Variants in SNPH observed in about 807,000 individuals in gnomAD.
The protein encoded by SNPH is syntaphilin.
SNPH carries 10 observed loss-of-function variants against 36.8 expected under a neutral mutation model. That is an observed-to-expected ratio of 0.27 (90% CI 0.17 to 0.46). SNPH has a LOEUF of 0.46. SNPH is among the 20% of genes least tolerant of loss of function. SNPH has a pLI of 1.00. For missense variants in SNPH, 622 were observed against 744.0 expected, an observed-to-expected ratio of 0.84 and a Z score of 1.91; for synonymous variants, 281 against 312.2, an observed-to-expected ratio of 0.90 and a Z score of 1.05.
At chr20:1,290,787 C>T (rs997732083) in intron 2 of SNPH, among the ~76,000 whole-genome samples, 1 of 152,238 alleles carries the variant, frequency 6.6e-6, no homozygotes, top group African/African-American at 2.4e-5. Context: ...TCCATAGCAG[C>T]AGCGTCATTT....
At chr20:1,296,910 C>A in intron 4 of SNPH, 1 of 334,852 alleles carries the variant, frequency 3.0e-6, no homozygotes, top group Non-Finnish European at 4.2e-6. Context: ...GCCCTGCCGG[C>A]CCCCATTCTT....
At position 1,294,575 on chromosome 20, in the gene SNPH, G is replaced by A. The variant is rs1331486162; in HGVS notation, c.-492-376G>A. On this transcript the variant is annotated intron_variant, in intron 2 of 6. Coordinates refer to ENST00000381867, the MANE Select transcript of SNPH (RefSeq NM_001318234.2). The surrounding 1 kb of genome is among the most constrained non-coding windows in gnomAD (Gnocchi z 4.4). ...AAGCTCAGGTGACAGGTGTGGTGTCGGCAGGTCCTGCAGCCCAGCACCCGA... is the reference window on the plus strand; with the variant it reads ...AAGCTCAGGTGACAGGTGTGGTGTCAGCAGGTCCTGCAGCCCAGCACCCGA... Among the ~76,000 whole-genome samples, 6 of 152,176 alleles carry A rather than the reference G, an allele frequency of 3.9e-5. No individual in the cohort carries two copies. Among genetic ancestry groups the A allele is most frequent in the Non-Finnish European group, 2.9e-5 (2 of 68,032 alleles).
chr20:1,266,303 C>G lies in SNPH; in HGVS notation c.-694C>G, dbSNP rs932461103. The G allele has an allele frequency of 5.1e-6, 1 of 197,342 alleles. No individual in the cohort carries two copies. Among genetic ancestry groups the G allele is most frequent in the African/African-American group, 2.3e-5 (1 of 43,032 alleles). The allele number at this position is 197,342 out of a possible 1,614,324, so 12.2% of individuals were successfully genotyped here. Reference sequence around the variant, plus strand: ...GCCCCTCCCTCCCGGCAGCCCCAGCCCCGGCGAGCACCCAGCTAGCCGCCT... The same window carrying G: ...GCCCCTCCCTCCCGGCAGCCCCAGCGCCGGCGAGCACCCAGCTAGCCGCCT... On this transcript the variant is annotated 5_prime_UTR_variant, in exon 1 of 7. Coordinates refer to ENST00000381867, the MANE Select transcript of SNPH (RefSeq NM_001318234.2). The surrounding 1 kb of genome is among the most constrained non-coding windows in gnomAD (Gnocchi z 6.0).
At chr20:1,272,145 A>AT (rs1471562968) in intron 2 of SNPH, among the ~76,000 whole-genome samples, 2 of 152,102 alleles carry the variant, frequency 1.3e-5, no homozygotes, top group Non-Finnish European at 2.9e-5. Flanking sequence ...AACTCACTGC[A>AT]TTGTCTGTAT....
chr20:1,283,051 T>C (rs1488004794), intron 2 of SNPH, among the ~76,000 whole-genome samples: 1 of 152,110 alleles, frequency 6.6e-6, no homozygotes, highest in Non-Finnish European at 1.5e-5. Flanking sequence ...GAGATCAGTG[T>C]TTGCCAGCAA....
intron 2 of SNPH, among the ~76,000 whole-genome samples, chr20:1,270,973 C>T (rs1309396033): frequency 1.3e-5 from 2 of 152,170 alleles, no homozygotes; most frequent in African/African-American, 2.4e-5. Context: ...TGGGAAGTCT[C>T]GATGCAGGTG....
chr20:1,298,696 C>T (rs534919114), intron 5 of SNPH, among the ~76,000 whole-genome samples: 47 of 152,236 alleles, frequency 3.1e-4, no homozygotes, highest in Middle Eastern at 3.4e-3. Context: ...AGGGTTGCTG[C>T]CCCTGGGTGA....
intron 2 of SNPH, among the ~76,000 whole-genome samples, chr20:1,272,175 G>T (rs1049475058): frequency 5.3e-5 from 8 of 152,180 alleles, no homozygotes; most frequent in African/African-American, 1.9e-4. Flanking sequence ...TTTTGCCACA[G>T]ACTCGTGTTC....
At chr20:1,282,747 T>C (rs1048785792) in intron 2 of SNPH, among the ~76,000 whole-genome samples, 1 of 152,234 alleles carries the variant, frequency 6.6e-6, no homozygotes, top group African/African-American at 2.4e-5. Context: ...AAGAAATTAC[T>C]GTTCATCCAG....
Position 1,297,355 on chromosome 20 carries a change from C to T in SNPH, c.290+103C>T, listed in dbSNP as rs375767573. On this transcript the variant is annotated intron_variant, in intron 5 of 6. Transcript: ENST00000381867. Reference sequence around the variant, plus strand: ...AGGGTCGTGTTCTAACCACCCCTGACGCCAGCATAGCCGCTGGCCGTGTGA... The same window carrying T: ...AGGGTCGTGTTCTAACCACCCCTGATGCCAGCATAGCCGCTGGCCGTGTGA... The T allele has an allele frequency of 6.2e-5, 64 of 1,038,608 alleles. No homozygotes were observed. In the African/African-American group the frequency reaches 9.4e-4, roughly 15 times the overall value. The allele number at this position is 1,038,608 out of a possible 1,614,324, so 64.3% of individuals were successfully genotyped here. A position where few individuals can be genotyped will look rare whatever the true frequency, so the allele number is the denominator to read the frequency against.
intron 2 of SNPH, among the ~76,000 whole-genome samples, chr20:1,293,892 C>T (rs116595135): frequency 0.016 from 2,442 of 152,256 alleles, 65 homozygotes; most frequent in African/African-American, 0.055. Flanking sequence ...CAAGGCCACA[C>T]GCAGCTCCAA....
Position 1,305,689 on chromosome 20 carries a change from G to C in SNPH, c.1252G>C (p.Glu418Gln), listed in dbSNP as rs200512874. The change falls in exon 7 of 7, where the codon GAG becomes CAG. Residue 418 changes from glutamate to glutamine, a missense_variant. By Grantham distance (29) the Glu-to-Gln change is conservative. Coordinates refer to ENST00000381867, the MANE Select transcript of SNPH (RefSeq NM_001318234.2). The part of the protein sequence containing the change: ...AVVVTVGDEL[E>Q]APEPITRGPT... ...GGTGGTGACAGTGGGTGATGAGCTA[G>C]AGGCCCCAGAGCCCATCACCCGTGG... The C allele has an allele frequency of 6.2e-7, 1 of 1,610,886 alleles. No homozygotes were observed. Among genetic ancestry groups the C allele is most frequent in the Non-Finnish European group, 8.5e-7 (1 of 1,178,630 alleles).
intron 5 of SNPH, among the ~76,000 whole-genome samples, chr20:1,299,011 C>T (rs2088474147): frequency 6.6e-6 from 1 of 151,872 alleles, no homozygotes; most frequent in South Asian, 2.1e-4. Flanking sequence ...GTCCCCCACT[C>T]CTACCACCCC....
In SNPH at chr20:1,305,149, G is replaced by C; in HGVS notation, c.712G>C (p.Glu238Gln). Residue 238 changes from glutamate to glutamine, a missense_variant, in exon 7 of 7, where the codon GAG (glutamate) becomes CAG (glutamine). Glu to Gln is a conservative substitution (Grantham distance 29). Coordinates refer to ENST00000381867, the MANE Select transcript of SNPH (RefSeq NM_001318234.2). ...GGTGGCCCAGAATGGCATGGCCAAG[G>C]AGGATGGCACTGGGGAGTCAGCCGG... The part of the protein sequence containing the change: ...MEVAQNGMAK[E>Q]DGTGESAGGS... 1 of 1,613,542 alleles carries C rather than the reference G, an allele frequency of 6.2e-7. No homozygotes were observed. Among genetic ancestry groups the C allele is most frequent in the Non-Finnish European group, 8.5e-7 (1 of 1,179,974 alleles).
intron 2 of SNPH, among the ~76,000 whole-genome samples, chr20:1,281,318 A>T (rs886496960): frequency 6.6e-6 from 1 of 152,074 alleles, no homozygotes; most frequent in East Asian, 1.9e-4. Context: ...GCTTCTCTTC[A>T]TCTCTTCCCA....
chr20:1,280,983 T>C (rs2088210712), intron 2 of SNPH, among the ~76,000 whole-genome samples: 1 of 152,164 alleles, frequency 6.6e-6, no homozygotes, highest in East Asian at 1.9e-4. Context: ...GCCAGAACTG[T>C]CTCTGCAACT....
chr20:1,286,558 CCAA>C (rs1403125916), intron 2 of SNPH, among the ~76,000 whole-genome samples: 1 of 152,200 alleles, frequency 6.6e-6, no homozygotes, highest in Non-Finnish European at 1.5e-5. Context: ...ACCTTGGCTT[CCAA>C]CAGGAGCGGC....
Position 1,304,862 on chromosome 20 carries a change from TCTC to T in SNPH, c.441-12_441-10del, listed in dbSNP as rs780564967. Reference sequence around the variant, plus strand: ...CAGGCAGGCAGTGAGCGTGTGTGTGTCTCCTCGGCTCGCAGGGACACAGAGATT... The same window carrying T: ...CAGGCAGGCAGTGAGCGTGTGTGTGTCTCGGCTCGCAGGGACACAGAGATT... On this transcript the variant is annotated splice_polypyrimidine_tract_variant and intron_variant, in intron 6 of 6. Transcript: ENST00000381867. This position sits in a 1 kb window ranked among gnomAD's most constrained non-coding sequence, Gnocchi z 4.3. 4.2e-5 allele frequency: 67 copies of T among 1,607,786 alleles called. No individual in the cohort carries two copies. The African/African-American group carries it at 8.1e-4, about 20-fold the overall frequency.
chr20:1,298,488 G>T (rs990740524), intron 5 of SNPH, among the ~76,000 whole-genome samples: 2 of 152,198 alleles, frequency 1.3e-5, no homozygotes, highest in African/African-American at 2.4e-5. Context: ...CAGCATCCTG[G>T]CTGTAACACC....
Sources: allele counts gnomAD v4.1 joint callset (sites outside exome capture counted in the v4.1 genomes callset), GRCh38; gene constraint gnomAD v4.1.1; non-coding constraint Gnocchi (gnomAD v3.1); transcripts MANE v1.5; gene names NCBI Gene and HGNC (gene_info 2026-07-23, HGNC 2026-07-21).